The following CSRNP2 variants were observed in gnomAD, a reference collection of about 807,000 sequenced individuals.
CSRNP2 encodes cysteine/serine-rich nuclear protein 2.
A neutral mutation model predicts 36.6 loss-of-function variants in CSRNP2; 11 were observed. The ratio of observed to expected loss-of-function variants is 0.30; its 90% CI spans 0.19 to 0.50. The LOEUF (loss-of-function observed/expected upper bound fraction) is 0.50, where lower values mean the gene tolerates loss of function less well. Among genes scored for constraint, CSRNP2 ranks in the 20% least tolerant of loss-of-function variants. CSRNP2 has a pLI of 0.98. For missense variants in CSRNP2, 483 were observed against 691.4 expected (o/e 0.70, Z 3.38); for synonymous variants, 248 against 275.3 (o/e 0.90, Z 0.98).
At position 51,067,849 on chromosome 12, in the gene CSRNP2, G is replaced by C; in HGVS notation, c.532C>G (p.Leu178Val). The change falls in exon 4 of 5, where the codon CTG becomes GTG. Residue 178 changes from leucine to valine, a missense_variant. Physicochemically the swap from Leu to Val is conservative, Grantham distance 32 (BLOSUM62 1). Transcript: ENST00000228515. This position sits in a 1 kb window ranked among gnomAD's most constrained non-coding sequence, Gnocchi z 4.1. Reference sequence around the variant, plus strand: ...AGGGCCCGTCGCCGTTTGGTGGGCAGAGGCTGCAGGAAGAAGTAATCATCC... The same window carrying C: ...AGGGCCCGTCGCCGTTTGGTGGGCACAGGCTGCAGGAAGAAGTAATCATCC... ...EVDDYFFLQPLPTKRRRALLR... is the reference protein window; with the variant it reads ...EVDDYFFLQPVPTKRRRALLR... 2 of 1,614,226 alleles carry C rather than the reference G, an allele frequency of 1.2e-6. No homozygotes were observed. Among genetic ancestry groups the C allele is most frequent in the Non-Finnish European group, 1.7e-6 (2 of 1,180,046 alleles).
intron 3 of CSRNP2, among the ~76,000 whole-genome samples, chr12:51,069,856 C>T (rs1216085004): frequency 6.6e-6 from 1 of 151,772 alleles, no homozygotes; most frequent in Non-Finnish European, 1.5e-5. Flanking sequence ...CCACGCCTCG[C>T]TAATTTTTTG....
rs1937826556 is a variant in CSRNP2, at chr12:51,063,895, C to T, written c.1483G>A (p.Glu495Lys). Residue 495 changes from glutamate (E) to lysine (K), a missense_variant, in exon 5 of 5, where the codon GAA (glutamate) becomes AAA (lysine). Coordinates refer to ENST00000228515, the MANE Select transcript of CSRNP2 (RefSeq NM_030809.3). Reference sequence around the variant, plus strand: ...CAGGAAGGGTGGAAGTCTTCATTTTCAGGCTCCTCAGGGTTACAATCTTCG... The same window carrying T: ...CAGGAAGGGTGGAAGTCTTCATTTTTAGGCTCCTCAGGGTTACAATCTTCG... ...LPEDCNPEEP[E>K]NEDFHPSWSP... 6.2e-7 allele frequency: 1 copy of T among 1,613,976 alleles called. No individual in the cohort carries two copies. The highest frequency in any genetic ancestry group is 8.5e-7 in the Non-Finnish European group (1 of 1,180,006).
rs769745834 is a variant in CSRNP2, at chr12:51,063,789, C to T, written c.1589G>A (p.Arg530Gln). 1.6e-5 allele frequency: 26 copies of T among 1,594,920 alleles called. No homozygotes were observed. Among genetic ancestry groups the T allele is most frequent in the Middle Eastern group, 1.7e-4 (1 of 5,940 alleles). ...MVKTSQQNED[R>Q]PPEDSSLELP... is the part of the protein sequence containing the mutation. The stretch of plus-strand genomic sequence containing the variant: ...TTCTAAGGAAGAATCTTCAGGGGGC[C>T]GATCCTCATTCTGCTGGGAGGTCTT... The change falls in exon 5 of 5, where the codon CGG (arginine) becomes CAG (glutamine). Residue 530 changes from arginine to glutamine, a missense_variant. By Grantham distance (43) the Arg-to-Gln change is conservative. Around this residue, in one of 2 missense-constraint regions of CSRNP2, gnomAD observed 277 missense variants for 323.6 expected, o/e 0.86. Transcript: ENST00000228515.
At chr12:51,074,253 G>C (rs1434652573) in intron 2 of CSRNP2, among the ~76,000 whole-genome samples, 171 bp from the exon 3 acceptor site, 1 of 152,186 alleles carries the variant, frequency 6.6e-6, no homozygotes, top group Non-Finnish European at 1.5e-5. Flanking sequence ...GAGAAGCTGG[G>C]ATTACAGGCG....
intron 1 of CSRNP2, among the ~76,000 whole-genome samples, chr12:51,080,475 A>T (rs544696668): frequency 3.3e-5 from 5 of 152,168 alleles, no homozygotes; most frequent in African/African-American, 9.6e-5. Context: ...TGTTTTCTCT[A>T]CTTCTGGAAT....
At chr12:51,071,854 C>A (rs1939173488) in intron 3 of CSRNP2, among the ~76,000 whole-genome samples, 1 of 152,088 alleles carries the variant, frequency 6.6e-6, no homozygotes, top group African/African-American at 2.4e-5. Context: ...GTTTATTTGC[C>A]CAGCTGTTGC....
chr12:51,082,689 T>C (rs930456649), intron 1 of CSRNP2: 10 of 152,134 alleles, frequency 6.6e-5, no homozygotes, highest in African/African-American at 2.2e-4. Context: ...GGCTGCGTAA[T>C]TGGGCCTATG....
In CSRNP2 at chr12:51,066,536, G is replaced by A. The variant is rs530023499; in HGVS notation, c.708+1137C>T. ...CACACCTGTAATCCCAGCTACTTGG[G>A]AGGCTGAGGCGGGAGAATCACTTGA... On this transcript the variant is annotated intron_variant, in intron 4 of 4. Transcript: ENST00000228515. Among the ~76,000 whole-genome samples the A allele has an allele frequency of 3.9e-5, 6 of 151,928 alleles. No homozygotes were observed. In the East Asian group the frequency reaches 9.7e-4, roughly 25 times the overall value.
intron 1 of CSRNP2, among the ~76,000 whole-genome samples, chr12:51,082,250 A>AC (rs967103216): frequency 2.6e-5 from 4 of 151,580 alleles, no homozygotes; most frequent in South Asian, 2.1e-4. Flanking sequence ...CCAAGTGAAA[A>AC]CCCCCCGCTT....
intron 2 of CSRNP2, 108 bp downstream of exon 2, chr12:51,076,300 AGAT>A (rs1939396587): frequency 2.6e-6 from 3 of 1,166,886 alleles, no homozygotes; most frequent in South Asian, 1.4e-5. Context: ...GAGCAAGGAA[AGAT>A]GATGATTAAG....
At position 51,067,990 on chromosome 12, in the gene CSRNP2, T is replaced by A; in HGVS notation, c.412-21A>T. The stretch of plus-strand genomic sequence containing the variant: ...GTCAGCTGCCAAGAGACAGGAAAGG[T>A]TAGCCTCATAGACATGAGCGGCATG... On this transcript the variant is annotated intron_variant, in intron 3 of 4. Coordinates refer to ENST00000228515, the MANE Select transcript of CSRNP2 (RefSeq NM_030809.3). The surrounding 1 kb of genome is among the most constrained non-coding windows in gnomAD (Gnocchi z 4.1). 6.2e-7 allele frequency: 1 copy of A among 1,608,608 alleles called. No individual in the cohort carries two copies. Among genetic ancestry groups the A allele is most frequent in the Non-Finnish European group, 8.5e-7 (1 of 1,176,262 alleles).
In CSRNP2 at chr12:51,064,029, T is replaced by A; in HGVS notation, c.1349A>T (p.Asn450Ile). 6.2e-7 allele frequency: 1 copy of A among 1,614,204 alleles called. No homozygotes were observed. The highest frequency in any genetic ancestry group is 1.7e-5 in the Admixed American group (1 of 60,022). Residue 450 changes from asparagine (N) to isoleucine (I), a missense_variant, in exon 5 of 5, where the codon AAT (asparagine) becomes ATT (isoleucine). Transcript: ENST00000228515. ...SASFPKEKDL[N>I]VFSLPVTSLV... The stretch of plus-strand genomic sequence containing the variant: ...TGAGGTAACAGGGAGAGAGAAGACA[T>A]TCAGATCCTTCTCCTTTGGGAAAGA...
Position 51,067,805 on chromosome 12 carries a change from G to A in CSRNP2, c.576C>T (p.Val192=), listed in dbSNP as rs946267898. Residue 192 remains valine, a synonymous_variant, in exon 4 of 5, where the codon GTC becomes GTT. Transcript: ENST00000228515. This position sits in a 1 kb window ranked among gnomAD's most constrained non-coding sequence, Gnocchi z 4.1. ...GCTTCTCTTCAGCATCAATACGGTG[G>A]ACCCCAGAAGCCCTCAGCAGGGCCC... ...RRRALLRASG[V]HRIDAEEKQE... is the part of the protein sequence containing the mutation. The A allele has an allele frequency of 6.2e-7, 1 of 1,614,218 alleles. No homozygotes were observed. The highest frequency in any genetic ancestry group is 1.6e-4 in the Middle Eastern group (1 of 6,062).
chr12:51,079,499 A>C (rs1033796558), intron 1 of CSRNP2, among the ~76,000 whole-genome samples: 1 of 151,820 alleles, frequency 6.6e-6, no homozygotes, highest in South Asian at 2.1e-4. Flanking sequence ...ACAGTGGCTC[A>C]TGTCTGTCAT....
chr12:51,069,850 G>A (rs575100803), intron 3 of CSRNP2, among the ~76,000 whole-genome samples: 142 of 151,774 alleles, frequency 9.4e-4, no homozygotes, highest in Non-Finnish European at 1.7e-3. Context: ...CTGCCACCAC[G>A]CCTCGCTAAT....
chr12:51,072,355 C>T (rs567495226), intron 3 of CSRNP2, among the ~76,000 whole-genome samples: 92 of 151,552 alleles, frequency 6.1e-4, no homozygotes, highest in African/African-American at 2.0e-3. Flanking sequence ...GTCAGGAGAC[C>T]GAACCCATCC....
chr12:51,075,559 C>G (rs907863445), intron 2 of CSRNP2, among the ~76,000 whole-genome samples: 13 of 152,212 alleles, frequency 8.5e-5, no homozygotes, highest in African/African-American at 3.1e-4. Flanking sequence ...AAGAGCCAGA[C>G]AGTAACTATT....
rs1433624096 is a variant in CSRNP2 at position 51,077,251 on chromosome 12, C to T, written c.-86-604G>A. On this transcript the variant is annotated intron_variant, in intron 1 of 4. Transcript: ENST00000228515. ...ACACACCACTGAACCCGGCTAGACC[C>T]ACTTATTTTTCCTAGTGATAATACA... is the stretch of plus-strand genomic sequence containing the variant. 1.2e-4 allele frequency among the ~76,000 whole-genome samples: 18 copies of T among 152,052 alleles called. 1 individual carries two copies. Among genetic ancestry groups the T allele is most frequent in the Admixed American group, 1.2e-3 (18 of 15,258 alleles).
At chr12:51,070,770 G>A (rs999397649) in intron 3 of CSRNP2, among the ~76,000 whole-genome samples, 2 of 152,168 alleles carry the variant, frequency 1.3e-5, no homozygotes, top group Non-Finnish European at 2.9e-5. Flanking sequence ...CCCAAAGGAA[G>A]ACAAACATTA....
Sources: gnomAD v4.1 joint callset for allele counts (sites outside exome capture counted in the v4.1 genomes callset) on GRCh38, gnomAD v4.1.1 for gene constraint, gnomAD v4.1.1 regional missense constraint, Gnocchi (gnomAD v3.1) non-coding constraint, MANE v1.5 for transcripts, NCBI Gene and HGNC (gene_info 2026-07-23, HGNC 2026-07-21) for gene names.